ABI2: variants seen among roughly 807,000 people sequenced by gnomAD.
The protein encoded by ABI2 is abelson interactor 2.
A neutral mutation model predicts 59.2 loss-of-function variants in ABI2; 25 were observed. The observed-to-expected ratio is 0.42, with a 90% CI of 0.31 to 0.59. The LOEUF (loss-of-function observed/expected upper bound fraction) is 0.59, where lower values mean the gene tolerates loss of function less well. Ranked by LOEUF, ABI2 falls within the 20% of genes least tolerant of loss-of-function variation. The pLI is 0.14. For synonymous variants in ABI2, 213 were observed against 235.5 expected (o/e 0.90, Z 0.87); for missense variants, 545 against 681.8 (o/e 0.80, Z 2.23).
At chr2:203,347,289 C>A (rs1431459646) in intron 1 of ABI2, among the ~76,000 whole-genome samples, 1 of 152,120 alleles carries the variant, frequency 6.6e-6, no homozygotes, top group Non-Finnish European at 1.5e-5. Flanking sequence ...ATCCTGACTC[C>A]CAGTTTATGC....
chr2:203,349,726 T>TA (rs1309378219), intron 1 of ABI2, among the ~76,000 whole-genome samples: 10 of 151,984 alleles, frequency 6.6e-5, no homozygotes, highest in Admixed American at 4.6e-4. Flanking sequence ...TTTTTTTTTT[T>TA]ACGGCTGAAT....
At chr2:203,339,007 TA>T (rs1559155069) in intron 1 of ABI2, among the ~76,000 whole-genome samples, 45 of 99,064 alleles carry the variant, frequency 4.5e-4, no homozygotes, top group Non-Finnish European at 5.6e-4. Flanking sequence ...TATATATATA[TA>T]AAGGATTCAT....
intron 1 of ABI2, among the ~76,000 whole-genome samples, chr2:203,362,821 C>G (rs1184739449): frequency 6.6e-6 from 1 of 151,254 alleles, no homozygotes; most frequent in South Asian, 2.1e-4. Context: ...GCCACCACAC[C>G]TAGCCTATAT....
chr2:203,428,379 C>T lies in ABI2; in HGVS notation c.*1027C>T, dbSNP rs540943215. 6.6e-6 allele frequency: 1 copy of T among 152,536 alleles called. No homozygotes were observed. Among genetic ancestry groups the T allele is most frequent in the African/African-American group, 2.4e-5 (1 of 41,418 alleles). 9.4% of individuals were successfully genotyped at this position (152,536 alleles called of 1,614,324 possible). A position where few individuals can be genotyped will look rare whatever the true frequency, so the allele number is the denominator to read the frequency against. ...ACAGTCACTGGGAGTACAAGGTTTGCTAATGTGCTCTCTGGACGTTATTAA... is the reference window on the plus strand; with the variant it reads ...ACAGTCACTGGGAGTACAAGGTTTGTTAATGTGCTCTCTGGACGTTATTAA... On this transcript the variant is annotated 3_prime_UTR_variant, in exon 12 of 12. Transcript: ENST00000261018.
At chr2:203,342,131 T>G in intron 1 of ABI2, 1 of 436,746 alleles carries the variant, frequency 2.3e-6, no homozygotes, top group Non-Finnish European at 4.6e-6. Flanking sequence ...TTGAGTAAAA[T>G]GAACTTATGA....
chr2:203,372,707 C>G (rs1306587945), intron 2 of ABI2, among the ~76,000 whole-genome samples: 1 of 151,512 alleles, frequency 6.6e-6, no homozygotes, highest in Non-Finnish European at 1.5e-5. Context: ...CTCCTCACTT[C>G]TCAGACGGGG....
intron 9 of ABI2, among the ~76,000 whole-genome samples, chr2:203,410,750 A>G (rs2097635759): frequency 6.6e-6 from 1 of 152,208 alleles, no homozygotes; most frequent in Non-Finnish European, 1.5e-5. Flanking sequence ...TAATGAATGA[A>G]GAACCAGTTT....
intron 2 of ABI2, among the ~76,000 whole-genome samples, chr2:203,375,532 C>CA (rs1399632212): frequency 6.6e-6 from 1 of 152,036 alleles, no homozygotes; most frequent in Non-Finnish European, 1.5e-5. Flanking sequence ...ATTGTAATGT[C>CA]AAAGAATATC....
intron 1 of ABI2, among the ~76,000 whole-genome samples, chr2:203,330,392 CAAAAAAA>C (rs35505933): frequency 1.7e-5 from 2 of 115,840 alleles, no homozygotes; most frequent in Non-Finnish European, 1.9e-5. Flanking sequence ...GACTACATAT[CAAAAAAA>C]AAAAAAAAAA....
At position 203,371,144 on chromosome 2, in the gene ABI2, G is replaced by T. The variant is rs944142155; in HGVS notation, c.285+4100G>T. Among the ~76,000 whole-genome samples, 3 of 152,142 alleles carry T rather than the reference G, an allele frequency of 2.0e-5. No homozygotes were observed. In the East Asian group the frequency reaches 5.8e-4, roughly 29 times the overall value. ...TCCATCTTGAATTCCTTATTTTTGC[G>T]ATTCTCACAAATGAGCTTGATTTTA... On this transcript the variant is annotated intron_variant, in intron 2 of 11. Coordinates refer to ENST00000261018, the MANE Select transcript of ABI2 (RefSeq NM_001375670.1).
chr2:203,421,817 A>G (rs566603647), intron 11 of ABI2, among the ~76,000 whole-genome samples: 1 of 152,234 alleles, frequency 6.6e-6, no homozygotes, highest in African/African-American at 2.4e-5. Flanking sequence ...TTCAAAAATT[A>G]GCTGGGTGTG....
chr2:203,342,877 GTTTAAA>G (rs1217395377), intron 1 of ABI2, among the ~76,000 whole-genome samples: 1 of 152,100 alleles, frequency 6.6e-6, no homozygotes, highest in Non-Finnish European at 1.5e-5. Flanking sequence ...AGAAAAGGAA[GTTTAAA>G]TTTATGGACA....
intron 2 of ABI2, among the ~76,000 whole-genome samples, chr2:203,378,395 G>A (rs946501573): frequency 6.6e-6 from 1 of 152,212 alleles, no homozygotes; most frequent in Non-Finnish European, 1.5e-5. Flanking sequence ...ATAGGCGTGA[G>A]CCACCATGCC....
At chr2:203,376,921 TCAAA>T (rs1456131193) in intron 2 of ABI2, among the ~76,000 whole-genome samples, 2 of 152,210 alleles carry the variant, frequency 1.3e-5, no homozygotes, top group African/African-American at 4.8e-5. Flanking sequence ...TCTCAATTTT[TCAAA>T]CAAGAAATAT....
At chr2:203,346,321 A>G (rs1269549851) in intron 1 of ABI2, among the ~76,000 whole-genome samples, 1 of 152,192 alleles carries the variant, frequency 6.6e-6, no homozygotes, top group Admixed American at 6.5e-5. Context: ...GGTTTTTGCT[A>G]ACAACCACAA....
chr2:203,398,688 C>T lies in ABI2; in HGVS notation c.1033+1721C>T, dbSNP rs759528261. Among the ~76,000 whole-genome samples, 5 of 152,254 alleles carry T rather than the reference C, an allele frequency of 3.3e-5. No individual in the cohort carries two copies. In the East Asian group the frequency reaches 9.6e-4, roughly 29 times the overall value. The stretch of plus-strand genomic sequence containing the variant: ...GTCCTATCATCGCAAAAATTTCCTC[C>T]ATGCCCCCTTTATAGTCAGTCCTTC... On this transcript the variant is annotated intron_variant, in intron 8 of 11. Coordinates refer to ENST00000261018, the MANE Select transcript of ABI2 (RefSeq NM_001375670.1).
chr2:203,362,843 T>C (rs939894095), intron 1 of ABI2, among the ~76,000 whole-genome samples: 1 of 151,514 alleles, frequency 6.6e-6, no homozygotes, highest in Non-Finnish European at 1.5e-5. Flanking sequence ...TTAAATACTT[T>C]TTTGTTTTGA....
intron 1 of ABI2, among the ~76,000 whole-genome samples, chr2:203,350,964 C>A (rs571590405): frequency 5.9e-5 from 9 of 151,718 alleles, no homozygotes; most frequent in Admixed American, 5.3e-4. Context: ...AGATTTTCTC[C>A]TAGGAGTTTT....
intron 1 of ABI2, among the ~76,000 whole-genome samples, chr2:203,340,531 T>C (rs76231334): frequency 0.037 from 5,594 of 152,040 alleles, 331 homozygotes; most frequent in African/African-American, 0.12. Flanking sequence ...CACACATGGC[T>C]AATTTTTGTA....
Sources: allele counts gnomAD v4.1 joint callset (sites outside exome capture counted in the v4.1 genomes callset), GRCh38; gene constraint gnomAD v4.1.1; transcripts MANE v1.5; gene names NCBI Gene and HGNC (gene_info 2026-07-23, HGNC 2026-07-21).